HNRNPH1: variants seen among roughly 807,000 people sequenced by gnomAD.
The protein encoded by HNRNPH1 is heterogeneous nuclear ribonucleoprotein H1.
In HNRNPH1, 4 loss-of-function variants were observed where a neutral mutation model predicts 58.6. That is an observed-to-expected ratio of 0.07 (90% CI 0.03 to 0.16). The LOEUF is 0.16. Ranked by LOEUF, HNRNPH1 falls within the 10% of genes least tolerant of loss-of-function variation. The probability of loss-of-function intolerance (pLI) is 1.00; values close to 1 mark genes in which losing one functional copy is unlikely to be tolerated. For synonymous variants in HNRNPH1, 192 were observed against 189.2 expected, an observed-to-expected ratio of 1.01 and a Z score of -0.12; for missense variants, 271 against 564.2, an observed-to-expected ratio of 0.48 and a Z score of 5.26.
intron 1 of HNRNPH1, among the ~76,000 whole-genome samples, chr5:179,622,220 C>T (rs1417412981): frequency 6.6e-6 from 1 of 152,154 alleles, no homozygotes; most frequent in Non-Finnish European, 1.5e-5. Flanking sequence ...ATTATCAAAT[C>T]TTGATTAGGA....
At chr5:179,632,672 G>T (rs1405172014) in intron 2 of HNRNPH1, among the ~76,000 whole-genome samples, 5 of 152,168 alleles carry the variant, frequency 3.3e-5, no homozygotes, top group African/African-American at 1.2e-4. Flanking sequence ...GACAACGCAG[G>T]CGGCCGGTTT....
chr5:179,623,179 G>C lies in HNRNPH1; in HGVS notation c.-46C>G. On this transcript the variant is annotated 5_prime_UTR_variant, in exon 1 of 13. Transcript: ENST00000356731. ...GTCGAAACAAACTGCAAAGCGGGGAGGACCAGAACTGAGAGCGCCAATTAA... is the reference window on the plus strand; with the variant it reads ...GTCGAAACAAACTGCAAAGCGGGGACGACCAGAACTGAGAGCGCCAATTAA... The C allele has an allele frequency of 7.0e-7, 1 of 1,422,212 alleles. No individual in the cohort carries two copies. Among genetic ancestry groups the C allele is most frequent in the South Asian group, 1.1e-5 (1 of 87,652 alleles). 88.1% of individuals were successfully genotyped at this position (1,422,212 alleles called of 1,614,324 possible). A position where few individuals can be genotyped will look rare whatever the true frequency, so the allele number is the denominator to read the frequency against.
intron 1 of HNRNPH1, 96 bp downstream of exon 2, chr5:179,622,941 C>A (rs1399107521): frequency 4.0e-5 from 2 of 49,866 alleles, no homozygotes; most frequent in Non-Finnish European, 7.4e-5. Context: ...CGGCCCGGCC[C>A]GGCCCGCCCC....
At chr5:179,615,168 G>T (rs1222399525) in intron 12 of HNRNPH1, 1 of 497,300 alleles carries the variant, frequency 2.0e-6, no homozygotes. Flanking sequence ...CCAGACTCTT[G>T]TGCTACCATT....
chr5:179,621,995 T>C, intron 1 of HNRNPH1: 1 of 456,254 alleles, frequency 2.2e-6, no homozygotes, highest in South Asian at 1.5e-5. Flanking sequence ...AGATAGTAAG[T>C]CAATACTACA....
chr5:179,616,037 T>TAACG (rs1191869149), intron 11 of HNRNPH1, 89 bp downstream of exon 12: 8 of 1,160,270 alleles, frequency 6.9e-6, no homozygotes, highest in Admixed American at 1.7e-5. Context: ...CTAAGTACAG[T>TAACG]AACAGGCTTT....
At position 179,623,176 on chromosome 5, in the gene HNRNPH1, G is replaced by A. The variant is rs367690502; in HGVS notation, c.-43C>T. On this transcript the variant is annotated 5_prime_UTR_variant, in exon 1 of 13. Coordinates refer to ENST00000356731, the Ensembl canonical transcript of HNRNPH1. ...GGCGTCGAAACAAACTGCAAAGCGGGGAGGACCAGAACTGAGAGCGCCAAT... is the reference window on the plus strand; with the variant it reads ...GGCGTCGAAACAAACTGCAAAGCGGAGAGGACCAGAACTGAGAGCGCCAAT... The A allele has an allele frequency of 8.2e-6, 12 of 1,456,510 alleles. No individual in the cohort carries two copies. The highest frequency in any genetic ancestry group is 2.8e-5 in the African/African-American group (2 of 71,184). 90.2% of individuals were successfully genotyped at this position (1,456,510 alleles called of 1,614,324 possible).
Position 179,632,108 on chromosome 5 carries a change from C to T in HNRNPH1, c.-32+1957G>A, listed in dbSNP as rs1346422915. ...GATCACGAGGTCAGGAGATCGAGAC[C>T]ATCCCGGCTAACACGGTGAAACCCC... On this transcript the variant is annotated intron_variant, in intron 2 of 4. Transcript: ENST00000521116. Among the ~76,000 whole-genome samples, 6 of 152,098 alleles carry T rather than the reference C, an allele frequency of 3.9e-5. No individual in the cohort carries two copies. In the East Asian group the frequency reaches 1.2e-3, roughly 30 times the overall value.
upstream of HNRNPH1, among the ~76,000 whole-genome samples, chr5:179,624,934 AAGAC>A (rs1300053125): frequency 6.6e-6 from 1 of 152,162 alleles, no homozygotes; most frequent in Non-Finnish European, 1.5e-5. Flanking sequence ...CATCAAAAGA[AAGAC>A]AGGAGCCCAG....
intron 2 of HNRNPH1, among the ~76,000 whole-genome samples, chr5:179,629,975 G>A (rs1270714071): frequency 6.6e-6 from 1 of 151,610 alleles, no homozygotes; most frequent in Non-Finnish European, 1.5e-5. Flanking sequence ...AGTGAGACTA[G>A]ATCACGCCAC....
chr5:179,622,464 AT>A (rs1489444257), intron 1 of HNRNPH1, among the ~76,000 whole-genome samples: 1 of 152,220 alleles, frequency 6.6e-6, no homozygotes, highest in East Asian at 1.9e-4. Flanking sequence ...TAATCCCAGC[AT>A]TTTGGGAAAC....
At chr5:179,617,624 C>G in exon 8 of HNRNPH1, 1 of 1,614,110 alleles carries the variant, frequency 6.2e-7, no homozygotes, top group African/African-American at 1.3e-5. Flanking sequence ...AATGTGTACT[C>G]TCACAGGGTT....
exon 1 of HNRNPH1, chr5:179,624,339 C>A: frequency 2.5e-6 from 1 of 395,576 alleles, no homozygotes; most frequent in Non-Finnish European, 4.5e-6. Context: ...GGCCTAGGGC[C>A]CCGGTCGGCG....
At chr5:179,631,220 G>T (rs1202203907) in intron 2 of HNRNPH1, among the ~76,000 whole-genome samples, 2 of 151,912 alleles carry the variant, frequency 1.3e-5, no homozygotes, top group Non-Finnish European at 2.9e-5. Flanking sequence ...TATACGTTAC[G>T]GTATATCTAT....
At chr5:179,617,251 T>G in intron 8 of HNRNPH1, 141 bp from the exon 10 acceptor site, 7 of 852,878 alleles carry the variant, frequency 8.2e-6, no homozygotes, top group Middle Eastern at 3.5e-4. Context: ...TCTTAGGTGA[T>G]CTACTTTAAC....
intron 11 of HNRNPH1, 151 bp from the exon 13 acceptor site, chr5:179,615,746 C>CT: frequency 1.8e-6 from 1 of 541,096 alleles, no homozygotes; most frequent in Non-Finnish European, 3.3e-6. Context: ...CAAATTCTCC[C>CT]TCTGTCTAAA....
exon 3 of HNRNPH1, chr5:179,620,947 C>A: frequency 6.2e-7 from 1 of 1,614,068 alleles, no homozygotes; most frequent in Non-Finnish European, 8.5e-7. Flanking sequence ...GTCCTCTAAG[C>A]CGTACAAAGC....
rs1768742276 is a variant in HNRNPH1, at chr5:179,614,874, G to A, written c.*86C>T. On this transcript the variant is annotated 3_prime_UTR_variant, in exon 13 of 13. Transcript: ENST00000356731. ...CCCATCCACCACTCATACTGGACAT[G>A]CTAGACAACCCTCCCATTCCGTTCA... 7 of 1,546,106 alleles carry A rather than the reference G, an allele frequency of 4.5e-6. No homozygotes were observed. In the East Asian group the frequency reaches 9.8e-5, roughly 22 times the overall value.
chr5:179,617,502 A>T lies in HNRNPH1; in HGVS notation c.1057+12T>A, dbSNP rs777579074. On this transcript the variant is annotated intron_variant, in intron 8 of 12. Coordinates refer to ENST00000356731, the Ensembl canonical transcript of HNRNPH1. ...ACCTGTTAAGAGCCCACAAATGCTCAATCACACTTACGCATATTTGCTTTG... is the reference window on the plus strand; with the variant it reads ...ACCTGTTAAGAGCCCACAAATGCTCTATCACACTTACGCATATTTGCTTTG... The T allele has an allele frequency of 6.2e-7, 1 of 1,611,724 alleles. No homozygotes were observed. Among genetic ancestry groups the T allele is most frequent in the Non-Finnish European group, 8.5e-7 (1 of 1,179,406 alleles).
Sources: gnomAD v4.1 joint callset for allele counts (sites outside exome capture counted in the v4.1 genomes callset) on GRCh38, gnomAD v4.1.1 for gene constraint, MANE v1.5 for transcripts, NCBI Gene and HGNC (gene_info 2026-07-23, HGNC 2026-07-21) for gene names.